ZFHX3: variants seen among roughly 807,000 people sequenced by gnomAD.
ZFHX3 encodes zinc finger homeobox 3, also known as zinc finger homeobox protein 3.
A neutral mutation model predicts 279.1 loss-of-function variants in ZFHX3; 42 were observed. That is an observed-to-expected ratio of 0.15 (90% CI 0.12 to 0.19). The LOEUF is 0.19. Ranked by LOEUF, ZFHX3 falls within the 10% of genes least tolerant of loss-of-function variation. The pLI, the probability that ZFHX3 is intolerant of heterozygous loss-of-function variation, is 1.00. For missense variants in ZFHX3, 4,981 were observed against 4,754.0 expected, an observed-to-expected ratio of 1.05 and a Z score of -1.40; for synonymous variants, 2,293 against 1,957.8, an observed-to-expected ratio of 1.17 and a Z score of -4.52.
At chr16:73,227,120 T>C (rs949792621) in intron 5 of ZFHX3, among the ~76,000 whole-genome samples, 10 of 152,198 alleles carry the variant, frequency 6.6e-5, no homozygotes, top group Non-Finnish European at 1.3e-4. Context: ...TAAGAAGATA[T>C]TAACAATGAA....
At chr16:72,931,888 C>A (rs187680342) in intron 3 of ZFHX3, among the ~76,000 whole-genome samples, 1 of 152,294 alleles carries the variant, frequency 6.6e-6, no homozygotes, top group South Asian at 2.1e-4. Flanking sequence ...CCCCCTTTTA[C>A]GATATTCTGT....
chr16:73,570,066 G>A (rs558484294), intron 2 of ZFHX3, among the ~76,000 whole-genome samples: 11 of 152,178 alleles, frequency 7.2e-5, no homozygotes, highest in South Asian at 2.1e-4. Flanking sequence ...GACACTTCCC[G>A]GGTATACATT....
intron 1 of ZFHX3, among the ~76,000 whole-genome samples, chr16:73,811,917 C>G (rs1960438955): frequency 6.6e-6 from 1 of 152,172 alleles, no homozygotes; most frequent in African/African-American, 2.4e-5. Context: ...TTGAATGTTT[C>G]TGTGTGTGGA....
chr16:72,932,956 C>T (rs1597389778), intron 3 of ZFHX3, among the ~76,000 whole-genome samples: 4 of 151,892 alleles, frequency 2.6e-5, no homozygotes, highest in African/African-American at 9.7e-5. Flanking sequence ...GTCCCAGGAG[C>T]TGGGATTCAA....
At chr16:73,009,584 A>G (rs905955384) in intron 1 of ZFHX3, among the ~76,000 whole-genome samples, 1 of 152,254 alleles carries the variant, frequency 6.6e-6, no homozygotes, top group Non-Finnish European at 1.5e-5. Flanking sequence ...CGTTTTATGC[A>G]AAGATAAGGT....
chr16:73,245,632 C>G (rs1482870850), intron 5 of ZFHX3, among the ~76,000 whole-genome samples: 2 of 152,162 alleles, frequency 1.3e-5, no homozygotes. Context: ...CGTAGGGCTC[C>G]TTCTGGGGAG....
At chr16:72,881,069 C>T (rs1023538873) in intron 4 of ZFHX3, among the ~76,000 whole-genome samples, 2 of 152,156 alleles carry the variant, frequency 1.3e-5, no homozygotes, top group African/African-American at 4.8e-5. Flanking sequence ...GAAAATGTAG[C>T]CCCAAACCTA....
intron 1 of ZFHX3, among the ~76,000 whole-genome samples, chr16:73,768,529 G>T (rs1363933399): frequency 6.6e-6 from 1 of 152,106 alleles, no homozygotes; most frequent in Non-Finnish European, 1.5e-5. Flanking sequence ...CCTCTCAATA[G>T]GAAAAGAGAG....
At position 73,186,378 on chromosome 16, in the gene ZFHX3, C is replaced by A. The variant is rs375980303; in HGVS notation, c.-1103-42547G>T. ...AGGCTGTGTGATCGTGAATAGAACC[C>A]CCCTCACCTAGCTCACTCTCTGTAA... On this transcript the variant is annotated intron_variant, in intron 5 of 17. Transcript: ENST00000641206. 1.1e-4 allele frequency among the ~76,000 whole-genome samples: 17 copies of A among 152,088 alleles called. No homozygotes were observed. In the East Asian group the frequency reaches 2.7e-3, roughly 24 times the overall value.
chr16:73,337,173 T>C (rs2015929696), intron 3 of ZFHX3, among the ~76,000 whole-genome samples: 1 of 152,212 alleles, frequency 6.6e-6, no homozygotes, highest in East Asian at 1.9e-4. Flanking sequence ...TGTTCCCAGA[T>C]GCTTATCCTT....
intron 1 of ZFHX3, among the ~76,000 whole-genome samples, chr16:73,033,584 G>A (rs913956277): frequency 3.9e-5 from 6 of 152,236 alleles, no homozygotes; most frequent in South Asian, 2.1e-4. Flanking sequence ...CTTTTCACCC[G>A]GGGTCAGACA....
chr16:73,877,201 T>TG (rs112129642), intron 1 of ZFHX3, among the ~76,000 whole-genome samples: 31,357 of 104,948 alleles, frequency 0.3, 4,325 homozygotes, highest in East Asian at 0.37. Flanking sequence ...GGGGGTTAGG[T>TG]CGGGGGGGGG....
At chr16:73,458,814 T>A (rs2018422709) in intron 2 of ZFHX3, among the ~76,000 whole-genome samples, 1 of 152,242 alleles carries the variant, frequency 6.6e-6, no homozygotes, top group Non-Finnish European at 1.5e-5. Flanking sequence ...TTTCCCTGTT[T>A]TAAATAATTA....
At chr16:73,375,484 T>C (rs2016706953) in intron 3 of ZFHX3, among the ~76,000 whole-genome samples, 1 of 152,152 alleles carries the variant, frequency 6.6e-6, no homozygotes, top group Non-Finnish European at 1.5e-5. Flanking sequence ...AGTCACCCTT[T>C]CCAAGCCTTT....
chr16:73,775,639 T>TA (rs1420536265), intron 1 of ZFHX3, among the ~76,000 whole-genome samples: 1 of 152,112 alleles, frequency 6.6e-6, no homozygotes, highest in Non-Finnish European at 1.5e-5. Context: ...ATAGCCACAA[T>TA]AAAATCCAGA....
At chr16:73,146,608 T>C (rs1966864536) in intron 5 of ZFHX3, among the ~76,000 whole-genome samples, 3 of 152,250 alleles carry the variant, frequency 2.0e-5, no homozygotes, top group East Asian at 1.9e-4. Context: ...GAAAACCATA[T>C]GAACATGGCA....
At chr16:73,716,039 T>G (rs773662356) in intron 1 of ZFHX3, among the ~76,000 whole-genome samples, 5 of 152,236 alleles carry the variant, frequency 3.3e-5, no homozygotes, top group Middle Eastern at 3.2e-3. Context: ...AATTATTTTA[T>G]TGACGTCTTT....
intron 5 of ZFHX3, among the ~76,000 whole-genome samples, chr16:73,190,399 C>G (rs941086459): frequency 6.6e-6 from 1 of 152,184 alleles, no homozygotes; most frequent in African/African-American, 2.4e-5. Context: ...TAGGAGTTTC[C>G]AAGTTTTCTT....
chr16:73,220,226 A>G (rs2012364962), intron 5 of ZFHX3, among the ~76,000 whole-genome samples: 1 of 152,184 alleles, frequency 6.6e-6, no homozygotes, highest in African/African-American at 2.4e-5. Flanking sequence ...CAAGGGTTGA[A>G]AAACTAACTT....
Sources: gnomAD v4.1 joint callset for allele counts (sites outside exome capture counted in the v4.1 genomes callset) on GRCh38, gnomAD v4.1.1 for gene constraint, MANE v1.5 for transcripts, NCBI Gene and HGNC (gene_info 2026-07-23, HGNC 2026-07-21) for gene names.